The following MANBA variants were observed in gnomAD, a reference collection of about 807,000 sequenced individuals.
MANBA encodes mannosidase beta, also known as beta-mannosidase.
A neutral mutation model predicts 111.1 loss-of-function variants in MANBA; 83 were observed. The ratio of observed to expected loss-of-function variants is 0.75; its 90% CI spans 0.63 to 0.90. The LOEUF is 0.90. Among genes scored for constraint, MANBA ranks in the 40% least tolerant of loss-of-function variants. MANBA has a pLI of 0.00. For missense variants in MANBA, 1,036 were observed against 1,069.0 expected (o/e 0.97, Z 0.43); for synonymous variants, 370 against 378.7 (o/e 0.98, Z 0.27).
At position 102,631,973 on chromosome 4, in the gene MANBA, C is replaced by G; in HGVS notation, c.*84G>C. The G allele has an allele frequency of 8.3e-7, 1 of 1,198,190 alleles. No individual in the cohort carries two copies. Among genetic ancestry groups the G allele is most frequent in the Non-Finnish European group, 1.2e-6 (1 of 808,992 alleles). The allele number at this position is 1,198,190 out of a possible 1,614,324, so 74.2% of individuals were successfully genotyped here. ...GCAGACATGTCTCTCGGCTTCTCTC[C>G]TTGTCTCTGTTGCCTTCCTCTCCAG... On this transcript the variant is annotated 3_prime_UTR_variant, in exon 17 of 17. Coordinates refer to ENST00000647097, the MANE Select transcript of MANBA (RefSeq NM_005908.4).
chr4:102,655,009 G>A (rs1039986874), intron 12 of MANBA, among the ~76,000 whole-genome samples: 6 of 151,888 alleles, frequency 4.0e-5, no homozygotes, highest in African/African-American at 4.8e-5. Context: ...GGATTCAAGC[G>A]CAATATACAA....
intron 1 of MANBA, among the ~76,000 whole-genome samples, chr4:102,750,523 C>A (rs2110210894): frequency 6.6e-6 from 1 of 152,020 alleles, no homozygotes; most frequent in East Asian, 1.9e-4. Context: ...CATAATGGTT[C>A]TGTGGTTATG....
chr4:102,734,050 G>C (rs1723120917), intron 1 of MANBA, among the ~76,000 whole-genome samples: 1 of 152,192 alleles, frequency 6.6e-6, no homozygotes, highest in Non-Finnish European at 1.5e-5. Context: ...TTATACATTT[G>C]TCCAAACCCA....
At chr4:102,756,743 C>T (rs1724036090) in intron 1 of MANBA, among the ~76,000 whole-genome samples, 1 of 147,870 alleles carries the variant, frequency 6.8e-6, no homozygotes, top group South Asian at 2.1e-4. Flanking sequence ...AGTGATGTTT[C>T]CAACCTTCTT....
intron 5 of MANBA, among the ~76,000 whole-genome samples, chr4:102,700,624 G>GTCA (rs1732984252): frequency 6.6e-6 from 1 of 152,186 alleles, no homozygotes; most frequent in South Asian, 2.1e-4. Context: ...GTACCCAGTA[G>GTCA]TCATTCTGGA....
At chr4:102,697,461 C>T (rs2110251870) in intron 5 of MANBA, among the ~76,000 whole-genome samples, 1 of 151,466 alleles carries the variant, frequency 6.6e-6, no homozygotes, top group East Asian at 1.9e-4. Flanking sequence ...ACCCACTAAA[C>T]TTGTCATCTA....
intron 7 of MANBA, among the ~76,000 whole-genome samples, chr4:102,684,899 T>G (rs1732143418): frequency 6.6e-6 from 1 of 152,194 alleles, no homozygotes; most frequent in Non-Finnish European, 1.5e-5. Context: ...ATGAATTGCT[T>G]ATTTCTGGAG....
intron 4 of MANBA, among the ~76,000 whole-genome samples, chr4:102,716,816 T>C (rs191065046): frequency 7.9e-5 from 12 of 152,292 alleles, no homozygotes; most frequent in East Asian, 1.9e-4. Flanking sequence ...ATTTGTGAAA[T>C]AGAACCTGAA....
rs1730293546 is a variant in MANBA at position 102,650,660 on chromosome 4, T to A, written c.1746A>T (p.Ser582=). The A allele has an allele frequency of 3.1e-6, 5 of 1,613,354 alleles. No individual in the cohort carries two copies. The highest frequency in any genetic ancestry group is 3.4e-6 in the Non-Finnish European group (4 of 1,179,458). ...TEDWSFNSKF[S]LHRQHHEGGN... ...CACCTTCGTGATGTTGTCGATGAAG[T>A]GAAAACTTGCTATTGAAAGACCAGT... Residue 582 remains serine, a synonymous_variant, in exon 13 of 17, where the codon TCA becomes TCT. Coordinates refer to ENST00000647097, the MANE Select transcript of MANBA (RefSeq NM_005908.4).
rs6857760 is a variant in MANBA, at chr4:102,723,925, C to T, written c.315G>A (p.Thr105=). 48,840 of 1,610,210 alleles carry T rather than the reference C, an allele frequency of 0.03. 3,646 individuals carry two copies. The highest frequency in any genetic ancestry group is 0.29 in the African/African-American group (21,819 of 74,576). ...CTTCATTGAACAGGATTTTTGAAAC[C>T]GTATCCACTCCCTCAAGAATCAAAT... ...KVNLILEGVD[T]VSKILFNEVT... is the part of the protein sequence containing the mutation. The change falls in exon 3 of 17, where the codon ACG becomes ACA. Residue 105 remains threonine (T), a synonymous_variant. Transcript: ENST00000647097.
At position 102,734,812 on chromosome 4, in the gene MANBA, T is replaced by G. The variant is rs541901389; in HGVS notation, c.178-8129A>C. Among the ~76,000 whole-genome samples the G allele has an allele frequency of 2.0e-5, 3 of 152,300 alleles. No homozygotes were observed. In the East Asian group the frequency reaches 5.8e-4, roughly 29 times the overall value. On this transcript the variant is annotated intron_variant, in intron 1 of 16. Transcript: ENST00000647097. ...GCAGTCCACCACTTCCTCTTCCTTC[T>G]GCTTCTGTGATGGTTTAGAGTCAAG...
intron 1 of MANBA, among the ~76,000 whole-genome samples, chr4:102,745,359 G>A (rs2110208016): frequency 6.6e-6 from 1 of 152,296 alleles, no homozygotes; most frequent in South Asian, 2.1e-4. Flanking sequence ...TATAAATTTT[G>A]TGGTGGAGTG....
chr4:102,715,692 T>C (rs1722292914), intron 4 of MANBA, among the ~76,000 whole-genome samples: 1 of 152,212 alleles, frequency 6.6e-6, no homozygotes, highest in Non-Finnish European at 1.5e-5. Context: ...TTCCCCTCTA[T>C]GTGTCCATGT....
chr4:102,671,359 C>A lies in MANBA; in HGVS notation c.1152G>T (p.Met384Ile). ...CTCCTCCCCAAACCCGAAGAGTATT[C>A]ATATTAGCATCCACAACAGACTGTA... ...LLLQSVVDAN[M>I]NTLRVWGGGI... Residue 384 changes from methionine (M) to isoleucine (I), a missense_variant, in exon 9 of 17, where the codon ATG (methionine) becomes ATT (isoleucine). Met to Ile is a conservative substitution (Grantham distance 10). Transcript: ENST00000647097. The A allele has an allele frequency of 6.2e-7, 1 of 1,608,366 alleles. No homozygotes were observed. The highest frequency in any genetic ancestry group is 1.1e-5 in the South Asian group (1 of 90,938).
rs192439534 is a variant in MANBA at position 102,713,815 on chromosome 4, G to A, written c.673+623C>T. 2.9e-3 allele frequency among the ~76,000 whole-genome samples: 429 copies of A among 149,404 alleles called. 17 individuals are homozygous for A. The East Asian group carries it at 0.067, about 23-fold the overall frequency. The stretch of plus-strand genomic sequence containing the variant: ...GGAGGCTGAGGCAGGAGAATCGCTT[G>A]AACCCGGGAGGCAGAGGCTGCAGTG... On this transcript the variant is annotated intron_variant, in intron 5 of 16. Transcript: ENST00000647097.
Position 102,727,569 on chromosome 4 carries a change from C to T in MANBA, c.178-886G>A, listed in dbSNP as rs554567046. ...GAATTTCAAACTGATCACCTGGGGACGAGAGCAATGGGTAATTGAAGCTTT... is the reference window on the plus strand; with the variant it reads ...GAATTTCAAACTGATCACCTGGGGATGAGAGCAATGGGTAATTGAAGCTTT... On this transcript the variant is annotated intron_variant, in intron 1 of 16. Coordinates refer to ENST00000647097, the MANE Select transcript of MANBA (RefSeq NM_005908.4). 215 of 1,605,984 alleles carry T rather than the reference C, an allele frequency of 1.3e-4. 1 individual carries two copies. In the Admixed American group the frequency reaches 2.8e-3, roughly 21 times the overall value.
At chr4:102,635,814 A>T (rs1729599190) in intron 15 of MANBA, 51 bp downstream of exon 15, 3 of 1,549,002 alleles carry the variant, frequency 1.9e-6, no homozygotes, top group Non-Finnish European at 1.8e-6. Flanking sequence ...ACAACTAAAG[A>T]AATCATCTAA....
chr4:102,757,790 C>A (rs900096133), intron 1 of MANBA, among the ~76,000 whole-genome samples: 1 of 152,226 alleles, frequency 6.6e-6, no homozygotes, highest in African/African-American at 2.4e-5. Context: ...ACTCTAAGCT[C>A]AAAGCCTCCA....
intron 1 of MANBA, among the ~76,000 whole-genome samples, 182 bp downstream of exon 1, chr4:102,760,536 C>T (rs1029011815): frequency 1.3e-5 from 2 of 152,342 alleles, no homozygotes; most frequent in Middle Eastern, 3.4e-3. Context: ...GCTCAGTCTC[C>T]GTCAAGCCCG....
Sources: gnomAD v4.1 joint callset for allele counts (sites outside exome capture counted in the v4.1 genomes callset) on GRCh38, gnomAD v4.1.1 for gene constraint, MANE v1.5 for transcripts, NCBI Gene and HGNC (gene_info 2026-07-23, HGNC 2026-07-21) for gene names.